The following TASP1 variants were observed in gnomAD, a reference collection of about 807,000 sequenced individuals.
TASP1 encodes the protein taspase 1.
A neutral mutation model predicts 56.6 loss-of-function variants in TASP1; 16 were observed. The observed-to-expected ratio is 0.28, with a 90% confidence interval of 0.19 to 0.43. The LOEUF (loss-of-function observed/expected upper bound fraction) is 0.43, where lower values mean the gene tolerates loss of function less well. Ranked by LOEUF, TASP1 falls within the 20% of genes least tolerant of loss-of-function variation. The pLI is 1.00. For synonymous variants in TASP1, 179 were observed against 184.2 expected (o/e 0.97, Z 0.23); for missense variants, 393 against 511.6 (o/e 0.77, Z 2.24).
At chr20:13,265,983 G>A in the TASP1 span, among the ~76,000 whole-genome samples, 4 of 152,116 alleles carry the variant, frequency 2.6e-5, no homozygotes, top group Non-Finnish European at 4.4e-5. Flanking sequence ...CTCATTTCAC[G>A]TCAAGCCTTG....
At chr20:13,213,227 T>C in the TASP1 span, among the ~76,000 whole-genome samples, 1 of 152,230 alleles carries the variant, frequency 6.6e-6, no homozygotes, top group Non-Finnish European at 1.5e-5. Flanking sequence ...TTGGATTTTT[T>C]CTTTATTTCA....
At chr20:13,612,565 T>C (rs2048384959) in intron 4 of TASP1, among the ~76,000 whole-genome samples, 1 of 151,612 alleles carries the variant, frequency 6.6e-6, no homozygotes, top group Non-Finnish European at 1.5e-5. Flanking sequence ...GGTGGGGCTA[T>C]AATGTTCAGG....
the TASP1 span, among the ~76,000 whole-genome samples, chr20:13,285,065 T>C: frequency 1.3e-5 from 2 of 152,178 alleles, no homozygotes; most frequent in Non-Finnish European, 2.9e-5. Flanking sequence ...GGCAGGAGGA[T>C]TGCCTGAAGC....
At chr20:13,280,777 A>C in the TASP1 span, among the ~76,000 whole-genome samples, 1 of 152,224 alleles carries the variant, frequency 6.6e-6, no homozygotes, top group Non-Finnish European at 1.5e-5. Flanking sequence ...GGTGCAAGGG[A>C]GGCTGGGAAA....
At chr20:13,586,499 G>A (rs1198503046) in intron 5 of TASP1, among the ~76,000 whole-genome samples, 1 of 152,094 alleles carries the variant, frequency 6.6e-6, no homozygotes, top group Non-Finnish European at 1.5e-5. Flanking sequence ...GTTAGCATGA[G>A]GGAAGAGAGC....
the TASP1 span, among the ~76,000 whole-genome samples, chr20:13,256,597 C>T: frequency 1.3e-5 from 2 of 152,124 alleles, no homozygotes; most frequent in East Asian, 1.9e-4. Flanking sequence ...ACACTGACCA[C>T]GTCTTCCATC....
the TASP1 span, among the ~76,000 whole-genome samples, chr20:13,134,062 G>A: frequency 2.0e-5 from 3 of 152,126 alleles, no homozygotes; most frequent in Admixed American, 2.0e-4. Flanking sequence ...GCCATACAGG[G>A]TCATTCTCAG....
chr20:13,156,797 T>G, the TASP1 span, among the ~76,000 whole-genome samples: 1 of 152,204 alleles, frequency 6.6e-6, no homozygotes, highest in Admixed American at 6.5e-5. Flanking sequence ...GCAACAATGA[T>G]GATCATTATC....
chr20:13,147,457 A>G, the TASP1 span, among the ~76,000 whole-genome samples: 1 of 151,938 alleles, frequency 6.6e-6, no homozygotes. Flanking sequence ...AAAATAACAG[A>G]CGCTGGCTTC....
chr20:13,415,084 T>C (rs2042211082), intron 13 of TASP1, among the ~76,000 whole-genome samples: 1 of 152,146 alleles, frequency 6.6e-6, no homozygotes, highest in South Asian at 2.1e-4. Context: ...CTTTTAAAAA[T>C]AGTTTTTAAA....
chr20:13,283,851 G>A, the TASP1 span, among the ~76,000 whole-genome samples: 1 of 152,160 alleles, frequency 6.6e-6, no homozygotes, highest in African/African-American at 2.4e-5. Context: ...AGATTTCACA[G>A]TGATTTTTTT....
At chr20:13,520,451 C>G (rs559404057) in intron 10 of TASP1, among the ~76,000 whole-genome samples, 8 of 152,164 alleles carry the variant, frequency 5.3e-5, no homozygotes, top group South Asian at 4.2e-4. Context: ...CAGAACAGAG[C>G]CCTCAGAAAC....
At chr20:13,149,447 TAG>T in the TASP1 span, among the ~76,000 whole-genome samples, 1 of 152,262 alleles carries the variant, frequency 6.6e-6, no homozygotes, top group East Asian at 1.9e-4. Context: ...TAGCGTTTTA[TAG>T]GTACAAATTC....
intron 11 of TASP1, among the ~76,000 whole-genome samples, chr20:13,461,276 T>C (rs2044041773): frequency 6.6e-6 from 1 of 152,210 alleles, no homozygotes; most frequent in Non-Finnish European, 1.5e-5. Flanking sequence ...TATCCACCTT[T>C]TGTACTTCAT....
At chr20:13,449,770 G>A (rs1361158826) in intron 11 of TASP1, among the ~76,000 whole-genome samples, 1 of 152,056 alleles carries the variant, frequency 6.6e-6, no homozygotes, top group Non-Finnish European at 1.5e-5. Flanking sequence ...ATACTGCAAT[G>A]TTTACATTGT....
At chr20:13,193,344 G>GT in the TASP1 span, among the ~76,000 whole-genome samples, 26 of 152,074 alleles carry the variant, frequency 1.7e-4, no homozygotes, top group Non-Finnish European at 3.7e-4. Context: ...CAAAGATGTG[G>GT]TAAGTGGAAA....
At chr20:13,130,296 G>T in the TASP1 span, among the ~76,000 whole-genome samples, 1 of 152,208 alleles carries the variant, frequency 6.6e-6, no homozygotes, top group South Asian at 2.1e-4. Context: ...TTTCATGCAA[G>T]AGCTGCCTTA....
the TASP1 span, among the ~76,000 whole-genome samples, chr20:13,113,616 T>C: frequency 6.6e-6 from 1 of 152,302 alleles, no homozygotes; most frequent in Non-Finnish European, 1.5e-5. Flanking sequence ...GAGGCAGGCC[T>C]GGGACCTAGG....
At chr20:13,437,801 A>G (rs1235849117) in intron 11 of TASP1, among the ~76,000 whole-genome samples, 2 of 152,254 alleles carry the variant, frequency 1.3e-5, no homozygotes, top group African/African-American at 4.8e-5. Context: ...ACAACTTACA[A>G]GGGACGTGAA....
Sources: allele counts gnomAD v4.1 joint callset (sites outside exome capture counted in the v4.1 genomes callset), GRCh38; gene constraint gnomAD v4.1.1; transcripts MANE v1.5; gene names NCBI Gene and HGNC (gene_info 2026-07-23, HGNC 2026-07-21).